The following ROBO2 variants were observed in gnomAD, a reference collection of about 807,000 sequenced individuals.
ROBO2 encodes the protein roundabout homolog 2.
In ROBO2, 53 loss-of-function variants were observed where a neutral mutation model predicts 160.8. The ratio of observed to expected loss-of-function variants is 0.33; its 90% CI spans 0.26 to 0.41. The LOEUF (loss-of-function observed/expected upper bound fraction) is 0.41, where lower values mean the gene tolerates loss of function less well. Ranked by LOEUF, ROBO2 falls within the 10% of genes least tolerant of loss-of-function variation. The pLI is 1.00. For synonymous variants in ROBO2, 664 were observed against 611.7 expected (o/e 1.09, Z -1.26); for missense variants, 1,577 against 1,722.4 (o/e 0.92, Z 1.49).
At chr3:76,218,850 G>A (rs976246617) in intron 2 of ROBO2, among the ~76,000 whole-genome samples, 15 of 152,218 alleles carry the variant, frequency 9.9e-5, no homozygotes, top group East Asian at 3.9e-4. Flanking sequence ...AGCCCACATC[G>A]CCAAGTCAAT....
chr3:76,851,997 A>G (rs563181850), intron 2 of ROBO2, among the ~76,000 whole-genome samples: 1 of 152,206 alleles, frequency 6.6e-6, no homozygotes, highest in African/African-American at 2.4e-5. Flanking sequence ...ACTACAGAGT[A>G]AAAGCATAAA....
chr3:77,320,342 C>A (rs1185608044), intron 2 of ROBO2, among the ~76,000 whole-genome samples: 2 of 152,074 alleles, frequency 1.3e-5, no homozygotes, highest in Non-Finnish European at 2.9e-5. Flanking sequence ...TTCTTAGGAG[C>A]CCTCTCTTGT....
chr3:76,342,356 A>G (rs1186894393), intron 2 of ROBO2, among the ~76,000 whole-genome samples: 1 of 152,084 alleles, frequency 6.6e-6, no homozygotes, highest in Non-Finnish European at 1.5e-5. Context: ...AGCACAGCAA[A>G]CATCATCAAC....
chr3:76,067,257 A>G (rs978132101), intron 2 of ROBO2, among the ~76,000 whole-genome samples: 1 of 152,238 alleles, frequency 6.6e-6, no homozygotes, highest in Non-Finnish European at 1.5e-5. Context: ...AACACAGCTC[A>G]CATCTGTTGT....
intron 2 of ROBO2, among the ~76,000 whole-genome samples, chr3:77,316,352 A>G (rs1456993077): frequency 6.6e-6 from 1 of 152,178 alleles, no homozygotes; most frequent in African/African-American, 2.4e-5. Context: ...TGAGTTTGTA[A>G]CACTGTCAAG....
At chr3:76,628,157 A>G (rs1431251209) in intron 2 of ROBO2, among the ~76,000 whole-genome samples, 1 of 152,182 alleles carries the variant, frequency 6.6e-6, no homozygotes, top group African/African-American at 2.4e-5. Flanking sequence ...TGTGCCTGCT[A>G]CTTGATTTTT....
chr3:77,161,681 A>C (rs772032777), intron 2 of ROBO2, among the ~76,000 whole-genome samples: 25 of 152,196 alleles, frequency 1.6e-4, no homozygotes, highest in Non-Finnish European at 3.1e-4. Context: ...ATTCAGTTTG[A>C]AAATCAGTAA....
intron 2 of ROBO2, among the ~76,000 whole-genome samples, chr3:76,765,884 T>G (rs569079819): frequency 2.8e-4 from 43 of 151,742 alleles, no homozygotes; most frequent in Non-Finnish European, 5.0e-4. Context: ...CACCCACTTT[T>G]GGGACAATTT....
intron 2 of ROBO2, among the ~76,000 whole-genome samples, chr3:76,531,224 A>C (rs2082206247): frequency 6.6e-6 from 1 of 152,236 alleles, no homozygotes; most frequent in East Asian, 1.9e-4. Flanking sequence ...AGTTCACTTT[A>C]ATGAAAACCA....
intron 2 of ROBO2, among the ~76,000 whole-genome samples, chr3:76,002,631 C>A (rs961826519): frequency 6.6e-6 from 1 of 152,160 alleles, no homozygotes; most frequent in African/African-American, 2.4e-5. Context: ...GAGGCCTTCC[C>A]AGCACGTGGA....
At chr3:77,351,555 C>T (rs1581253254) in intron 2 of ROBO2, among the ~76,000 whole-genome samples, 1 of 152,092 alleles carries the variant, frequency 6.6e-6, no homozygotes, top group South Asian at 2.1e-4. Flanking sequence ...GGTTGAGAAT[C>T]GTAAGGTGCC....
rs188113435 is a variant in ROBO2 at position 76,711,263 on chromosome 3, A to G, written c.110-386751A>G. ...AAGCGGAAGCAAGCATTTTCTTCAT[A>G]CAGCAGCAACAGAGAGAAAGAGCGA... On this transcript the variant is annotated intron_variant, in intron 2 of 26. Coordinates refer to the ROBO2 transcript ENST00000487694. Among the ~76,000 whole-genome samples the G allele has an allele frequency of 2.9e-3, 440 of 152,294 alleles. 2 individuals are homozygous for G. Among genetic ancestry groups the G allele is most frequent in the Non-Finnish European group, 4.1e-3 (278 of 68,024 alleles).
At chr3:77,327,271 C>T (rs1022446778) in intron 2 of ROBO2, among the ~76,000 whole-genome samples, 2 of 152,060 alleles carry the variant, frequency 1.3e-5, no homozygotes, top group East Asian at 1.9e-4. Flanking sequence ...GATTCAATAT[C>T]GGGAAGAAAA....
intron 2 of ROBO2, among the ~76,000 whole-genome samples, chr3:76,651,860 C>T (rs1468879163): frequency 2.0e-5 from 3 of 152,186 alleles, no homozygotes; most frequent in Non-Finnish European, 4.4e-5. Flanking sequence ...CAGCTTTTGC[C>T]CCTCTCTTGC....
chr3:77,257,492 C>T (rs569656997), intron 2 of ROBO2, among the ~76,000 whole-genome samples: 8 of 152,040 alleles, frequency 5.3e-5, no homozygotes, highest in African/African-American at 9.7e-5. Flanking sequence ...GTAGGGAGCT[C>T]GCATGGTATT....
At chr3:77,240,378 C>T (rs898929240) in intron 2 of ROBO2, among the ~76,000 whole-genome samples, 1 of 152,158 alleles carries the variant, frequency 6.6e-6, no homozygotes, top group Non-Finnish European at 1.5e-5. Context: ...TCGCCCGCTC[C>T]GAGTGGGCCC....
At chr3:76,522,282 T>C (rs2081666641) in intron 2 of ROBO2, among the ~76,000 whole-genome samples, 1 of 152,124 alleles carries the variant, frequency 6.6e-6, no homozygotes, top group Admixed American at 6.5e-5. Flanking sequence ...ATTGTGTGTA[T>C]TCAAGAGCCA....
intron 24 of ROBO2, among the ~76,000 whole-genome samples, chr3:77,643,734 T>G (rs534943126): frequency 1.3e-5 from 2 of 152,314 alleles, no homozygotes; most frequent in Non-Finnish European, 2.9e-5. Context: ...GTGTTGTAGA[T>G]AGGCCTCTCC....
chr3:76,689,948 CT>C (rs1251946995), intron 2 of ROBO2, among the ~76,000 whole-genome samples: 1 of 152,110 alleles, frequency 6.6e-6, no homozygotes, highest in Non-Finnish European at 1.5e-5. Flanking sequence ...TTCCATTTTA[CT>C]CCCTCCTCCT....
Sources: allele counts gnomAD v4.1 joint callset (sites outside exome capture counted in the v4.1 genomes callset), GRCh38; gene constraint gnomAD v4.1.1; transcripts MANE v1.5; gene names NCBI Gene and HGNC (gene_info 2026-07-23, HGNC 2026-07-21).